The following MCM5 variants were observed in gnomAD, a reference collection of about 807,000 sequenced individuals.
MCM5 encodes the protein DNA replication licensing factor MCM5.
A neutral mutation model predicts 79.9 loss-of-function variants in MCM5; 46 were observed. The ratio of observed to expected loss-of-function variants is 0.58; its 90% CI spans 0.45 to 0.74. The LOEUF is 0.74. Among genes scored for constraint, MCM5 ranks in the 30% least tolerant of loss-of-function variants. The pLI is 0.00. For synonymous variants in MCM5, 404 were observed against 390.5 expected (o/e 1.03, Z -0.41); for missense variants, 883 against 1,017.0 (o/e 0.87, Z 1.79).
intron 6 of MCM5, 72 bp downstream of exon 6, chr22:35,408,635 T>C: frequency 6.6e-7 from 1 of 1,521,800 alleles, no homozygotes; most frequent in Non-Finnish European, 8.9e-7. Context: ...ACCCGAGTGT[T>C]GGGAGTGGGT....
chr22:35,410,926 G>T lies in MCM5; in HGVS notation c.919+16G>T, dbSNP rs770111326. ...GATGGCTCTGGTGAGTTGGCTTTGG[G>T]GTCCTGGCTTAGCCCTGCTAAAAGG... On this transcript the variant is annotated intron_variant, in intron 7 of 16. Coordinates refer to ENST00000216122, the MANE Select transcript of MCM5 (RefSeq NM_006739.4). 6.3e-7 allele frequency: 1 copy of T among 1,578,632 alleles called. No individual in the cohort carries two copies. The highest frequency in any genetic ancestry group is 1.2e-5 in the South Asian group (1 of 86,408).
At chr22:35,449,478 T>A in the MCM5 span, among the ~76,000 whole-genome samples, 1 of 151,900 alleles carries the variant, frequency 6.6e-6, no homozygotes, top group Non-Finnish European at 1.5e-5. Flanking sequence ...AGTTGCGGCT[T>A]CTCTGTTCCA....
At chr22:35,407,938 ACTT>A (rs920232262) in intron 5 of MCM5, among the ~76,000 whole-genome samples, 2 of 152,192 alleles carry the variant, frequency 1.3e-5, no homozygotes, top group African/African-American at 4.8e-5. Context: ...TATGATGTTT[ACTT>A]CTTTATGTTG....
chr22:35,424,166 C>T lies in MCM5; in HGVS notation c.2116C>T (p.His706Tyr). 5.2e-6 allele frequency: 8 copies of T among 1,550,804 alleles called. No homozygotes were observed. Among genetic ancestry groups the T allele is most frequent in the Non-Finnish European group, 7.0e-6 (8 of 1,146,676 alleles). ...KDFTKQKYPE[H>Y]AIHKVLQLML... is the part of the protein sequence containing the mutation. The stretch of plus-strand genomic sequence containing the variant: ...TGTGCTCCCACAGAAATACCCGGAG[C>T]ACGCCATCCACAAGGTGCTGCAGCT... The change falls in exon 17 of 17, where the codon CAC becomes TAC. Residue 706 changes from histidine to tyrosine, a missense_variant. Around this residue, in one of 3 missense-constraint regions of MCM5, gnomAD observed 426 missense variants for 482.3 expected, o/e 0.88. Coordinates refer to ENST00000216122, the MANE Select transcript of MCM5 (RefSeq NM_006739.4).
chr22:35,441,482 A>T, the MCM5 span, among the ~76,000 whole-genome samples: 1 of 152,186 alleles, frequency 6.6e-6, no homozygotes, highest in African/African-American at 2.4e-5. Context: ...AGTACCTATT[A>T]TCCCTCACAC....
Position 35,425,362 on chromosome 22 carries a change from C to T in MCM5, c.*1107C>T, listed in dbSNP as rs1335051690. 1.3e-5 allele frequency: 2 copies of T among 152,100 alleles called. No individual in the cohort carries two copies. The highest frequency in any genetic ancestry group is 2.9e-5 in the Non-Finnish European group (2 of 68,016). 9.4% of individuals were successfully genotyped at this position (152,100 alleles called of 1,614,324 possible). A position where few individuals can be genotyped will look rare whatever the true frequency, so the allele number is the denominator to read the frequency against. On this transcript the variant is annotated 3_prime_UTR_variant, in exon 17 of 17. Coordinates refer to ENST00000216122, the MANE Select transcript of MCM5 (RefSeq NM_006739.4). The stretch of plus-strand genomic sequence containing the variant: ...AGATAAGGTATTTAAAAGTAATTGC[C>T]ATGTAAAAATGACACGAACTTGAAG...
At chr22:35,452,240 C>T in the MCM5 span, among the ~76,000 whole-genome samples, 4 of 152,180 alleles carry the variant, frequency 2.6e-5, no homozygotes, top group Admixed American at 1.3e-4. Context: ...CCCTTTGCAC[C>T]TGTGGAACCC....
rs1320889711 is a variant in MCM5, at chr22:35,400,153, C to T, written c.-64C>T. 7.3e-6 allele frequency: 3 copies of T among 409,564 alleles called. No homozygotes were observed. Among genetic ancestry groups the T allele is most frequent in the Admixed American group, 4.2e-5 (1 of 23,804 alleles). 25.4% of individuals were successfully genotyped at this position (409,564 alleles called of 1,614,324 possible). ...CTCTTGTTTTTCCCGCGAAACTCGGCGGCTGAGCGTGGAGGTTCTTGTCTC... is the reference window on the plus strand; with the variant it reads ...CTCTTGTTTTTCCCGCGAAACTCGGTGGCTGAGCGTGGAGGTTCTTGTCTC... On this transcript the variant is annotated 5_prime_UTR_variant, in exon 1 of 17. Transcript: ENST00000216122.
chr22:35,418,038 G>C (rs1252291795), intron 13 of MCM5, among the ~76,000 whole-genome samples, 182 bp downstream of exon 13: 10 of 152,144 alleles, frequency 6.6e-5, no homozygotes, highest in Admixed American at 6.5e-4. Context: ...ACTGGCTCTT[G>C]GCTTCAGTTT....
the MCM5 span, among the ~76,000 whole-genome samples, chr22:35,453,389 CAG>C: frequency 2.6e-5 from 4 of 151,074 alleles, no homozygotes; most frequent in Non-Finnish European, 5.9e-5. Flanking sequence ...AGACAAAAGA[CAG>C]AGAAGGAGAC....
At position 35,415,985 on chromosome 22, in the gene MCM5, A is replaced by T; in HGVS notation, c.1347+13A>T. Reference sequence around the variant, plus strand: ...CGAGTTTGACAAGGTGAGTCTGATGAGGTGGGTAGTAGCCAAAAGGTGGGT... The same window carrying T: ...CGAGTTTGACAAGGTGAGTCTGATGTGGTGGGTAGTAGCCAAAAGGTGGGT... On this transcript the variant is annotated intron_variant, in intron 10 of 16. Coordinates refer to ENST00000216122, the MANE Select transcript of MCM5 (RefSeq NM_006739.4). 1 of 1,606,756 alleles carries T rather than the reference A, an allele frequency of 6.2e-7. No individual in the cohort carries two copies. The highest frequency in any genetic ancestry group is 1.1e-5 in the South Asian group (1 of 90,944).
the MCM5 span, among the ~76,000 whole-genome samples, chr22:35,441,863 C>T: frequency 2.6e-5 from 4 of 152,076 alleles, no homozygotes; most frequent in Non-Finnish European, 4.4e-5. Flanking sequence ...GAGGCCAGGA[C>T]GAGTTGGCAT....
chr22:35,434,530 AAGATCAATTGGTCAGGTCC>A, the MCM5 span, among the ~76,000 whole-genome samples: 4 of 152,242 alleles, frequency 2.6e-5, no homozygotes, highest in African/African-American at 4.8e-5. Flanking sequence ...ATGAGATGCC[AAGATCAATTGGTCAGGTCC>A]AGATCATTTC....
At chr22:35,417,667 TG>T in intron 12 of MCM5, 76 bp from the exon 13 acceptor site, 1 of 1,019,682 alleles carries the variant, frequency 9.8e-7, no homozygotes, top group Non-Finnish European at 1.5e-6. Context: ...CAGCTCTTTC[TG>T]GCTGTTCCAC....
At chr22:35,431,834 C>T in the MCM5 span, among the ~76,000 whole-genome samples, 1 of 152,196 alleles carries the variant, frequency 6.6e-6, no homozygotes, top group Non-Finnish European at 1.5e-5. Context: ...CTGTGCCTCT[C>T]CTCCTCCAGG....
the MCM5 span, among the ~76,000 whole-genome samples, chr22:35,439,559 A>G: frequency 6.6e-6 from 1 of 152,108 alleles, no homozygotes; most frequent in Admixed American, 6.6e-5. Context: ...AATACTGAAC[A>G]CAATGTGTAG....
the MCM5 span, among the ~76,000 whole-genome samples, chr22:35,447,920 C>T: frequency 6.6e-6 from 1 of 152,210 alleles, no homozygotes. Context: ...CTCCCCGAGT[C>T]CACTCAGGGA....
chr22:35,416,633 G>C lies in MCM5; in HGVS notation c.1414-5G>C, dbSNP rs755741488. ...TCCCCCTTTTCGTCGTCTGTCGCCTGTTAGGCTGGGATCACCACCACCCTG... is the reference window on the plus strand; with the variant it reads ...TCCCCCTTTTCGTCGTCTGTCGCCTCTTAGGCTGGGATCACCACCACCCTG... On this transcript the variant is annotated splice_region_variant and splice_polypyrimidine_tract_variant and intron_variant, in intron 11 of 16. Coordinates refer to ENST00000216122, the MANE Select transcript of MCM5 (RefSeq NM_006739.4). 1 of 1,611,906 alleles carries C rather than the reference G, an allele frequency of 6.2e-7. No homozygotes were observed. Among genetic ancestry groups the C allele is most frequent in the Admixed American group, 1.7e-5 (1 of 59,900 alleles).
intron 14 of MCM5, 152 bp downstream of exon 14, chr22:35,420,164 A>G (rs1050045966): frequency 8.5e-6 from 7 of 822,704 alleles, no homozygotes; most frequent in Admixed American, 7.5e-5. Flanking sequence ...AGCATAAACT[A>G]TGGCCTCCTT....
Sources: gnomAD v4.1 joint callset for allele counts (sites outside exome capture counted in the v4.1 genomes callset) on GRCh38, gnomAD v4.1.1 for gene constraint, gnomAD v4.1.1 regional missense constraint, MANE v1.5 for transcripts, NCBI Gene and HGNC (gene_info 2026-07-23, HGNC 2026-07-21) for gene names.